The following PDE4D variants were observed in gnomAD, a reference collection of about 807,000 sequenced individuals.
The protein encoded by PDE4D is phosphodiesterase 4D, also known as 3',5'-cyclic-AMP phosphodiesterase 4D.
In PDE4D, 24 loss-of-function variants were observed where a neutral mutation model predicts 87.4. The ratio of observed to expected loss-of-function variants is 0.27; its 90% CI spans 0.20 to 0.39. The LOEUF (loss-of-function observed/expected upper bound fraction) is 0.39, where lower values mean the gene tolerates loss of function less well. Ranked by LOEUF, PDE4D falls within the 10% of genes least tolerant of loss-of-function variation. The pLI, the probability that PDE4D is intolerant of heterozygous loss-of-function variation, is 1.00. For missense variants in PDE4D, 714 were observed against 1,041.0 expected (o/e 0.69, Z 4.32); for synonymous variants, 384 against 383.2 (o/e 1.00, Z -0.02).
At chr5:60,408,572 T>G (rs1005308258) in intron 1 of PDE4D, among the ~76,000 whole-genome samples, 1 of 152,188 alleles carries the variant, frequency 6.6e-6, no homozygotes, top group Non-Finnish European at 1.5e-5. Context: ...AGTTTAATCA[T>G]ATGCAAATGG....
intron 1 of PDE4D, among the ~76,000 whole-genome samples, chr5:59,770,321 C>T (rs1763311757): frequency 6.6e-6 from 1 of 152,050 alleles, no homozygotes; most frequent in Non-Finnish European, 1.5e-5. Flanking sequence ...AATGCTTGCC[C>T]TCAAGGAGCT....
intron 1 of PDE4D, among the ~76,000 whole-genome samples, chr5:60,337,045 T>C (rs1291490273): frequency 6.6e-6 from 1 of 151,562 alleles, no homozygotes; most frequent in Admixed American, 6.6e-5. Context: ...ATAGGCTGGA[T>C]GTGGTGGCTT....
chr5:60,332,455 T>C (rs2149872808), intron 1 of PDE4D, among the ~76,000 whole-genome samples: 1 of 152,312 alleles, frequency 6.6e-6, no homozygotes, highest in South Asian at 2.1e-4. Context: ...TTTTCTGTTT[T>C]TCACATTAAT....
intron 1 of PDE4D, among the ~76,000 whole-genome samples, chr5:59,892,213 C>A (rs1751056573): frequency 6.6e-6 from 1 of 152,160 alleles, no homozygotes; most frequent in Non-Finnish European, 1.5e-5. Context: ...GGAGCTGACT[C>A]CTCAGAATGG....
At chr5:60,041,444 C>T (rs2152868158) in intron 2 of PDE4D, among the ~76,000 whole-genome samples, 1 of 152,272 alleles carries the variant, frequency 6.6e-6, no homozygotes, top group East Asian at 1.9e-4. Context: ...GTGTTTGAAA[C>T]TTGTAATATG....
At chr5:60,007,033 G>T (rs143071062) in intron 2 of PDE4D, among the ~76,000 whole-genome samples, 205 of 151,830 alleles carry the variant, frequency 1.4e-3, no homozygotes, top group African/African-American at 4.7e-3. Context: ...TCATCTTTCT[G>T]GATTTTGAAA....
intron 1 of PDE4D, among the ~76,000 whole-genome samples, chr5:60,447,886 G>T (rs904756083): frequency 6.6e-6 from 1 of 152,104 alleles, no homozygotes; most frequent in African/African-American, 2.4e-5. Flanking sequence ...TAGCCTCAGA[G>T]AGTATCTATC....
At chr5:60,427,669 T>C (rs1743838755) in intron 1 of PDE4D, among the ~76,000 whole-genome samples, 1 of 152,230 alleles carries the variant, frequency 6.6e-6, no homozygotes, top group Non-Finnish European at 1.5e-5. Flanking sequence ...TAGTATGTTT[T>C]CTTTCTTAGA....
At chr5:59,494,127 GGA>G (rs1343391597) in intron 1 of PDE4D, among the ~76,000 whole-genome samples, 1 of 152,132 alleles carries the variant, frequency 6.6e-6, no homozygotes, top group African/African-American at 2.4e-5. Flanking sequence ...TGCAACTCAG[GGA>G]GACAGAATGT....
At chr5:60,041,695 A>C (rs1387365019) in intron 2 of PDE4D, among the ~76,000 whole-genome samples, 1 of 152,300 alleles carries the variant, frequency 6.6e-6, no homozygotes, top group East Asian at 1.9e-4. Context: ...GGGAAGTTCA[A>C]GGGGTTGGGG....
intron 1 of PDE4D, among the ~76,000 whole-genome samples, chr5:59,604,193 T>G (rs961465268): frequency 6.7e-6 from 1 of 149,498 alleles, no homozygotes; most frequent in South Asian, 2.1e-4. Flanking sequence ...GAGTCTCTTA[T>G]TACCACTTTA....
chr5:59,318,271 A>C (rs963262058), intron 1 of PDE4D, among the ~76,000 whole-genome samples: 3 of 152,192 alleles, frequency 2.0e-5, no homozygotes, highest in African/African-American at 7.2e-5. Context: ...TACCAGAGGA[A>C]GTTTTAGACT....
chr5:60,038,886 G>C (rs1220334557), intron 2 of PDE4D, among the ~76,000 whole-genome samples: 3 of 151,474 alleles, frequency 2.0e-5, no homozygotes, highest in Non-Finnish European at 4.4e-5. Flanking sequence ...ACCACAATGA[G>C]ATACCATCTC....
At chr5:59,365,695 G>A (rs1782930246) in intron 1 of PDE4D, among the ~76,000 whole-genome samples, 1 of 152,076 alleles carries the variant, frequency 6.6e-6, no homozygotes, top group Non-Finnish European at 1.5e-5. Context: ...CTAAATAAGG[G>A]CTCCGTGGCT....
At chr5:59,843,058 A>C (rs1335320812) in intron 1 of PDE4D, among the ~76,000 whole-genome samples, 1 of 151,956 alleles carries the variant, frequency 6.6e-6, no homozygotes, top group Admixed American at 6.6e-5. Flanking sequence ...TAATTGTATA[A>C]AAAATATAAA....
intron 2 of PDE4D, among the ~76,000 whole-genome samples, chr5:60,093,341 T>A (rs1221751447): frequency 6.6e-6 from 1 of 152,186 alleles, no homozygotes; most frequent in African/African-American, 2.4e-5. Context: ...CTTCTTTTTA[T>A]ATTCAGGAGG....
intron 1 of PDE4D, among the ~76,000 whole-genome samples, chr5:59,306,526 G>A (rs1771407999): frequency 6.6e-6 from 1 of 151,930 alleles, no homozygotes; most frequent in African/African-American, 2.4e-5. Flanking sequence ...CTTTAAAGAG[G>A]TTCTGTGCAA....
intron 5 of PDE4D, among the ~76,000 whole-genome samples, chr5:59,056,515 G>A (rs1349842290): frequency 6.6e-6 from 1 of 152,064 alleles, no homozygotes; most frequent in East Asian, 1.9e-4. Flanking sequence ...CATGTGCTAT[G>A]GTGGTTTACT....
intron 1 of PDE4D, among the ~76,000 whole-genome samples, chr5:60,284,951 A>G (rs546437572): frequency 1.3e-5 from 2 of 152,206 alleles, no homozygotes; most frequent in Admixed American, 6.5e-5. Context: ...GATTTCTACA[A>G]TGTCTTACAT....
Sources: allele counts gnomAD v4.1 joint callset (sites outside exome capture counted in the v4.1 genomes callset), GRCh38; gene constraint gnomAD v4.1.1; transcripts MANE v1.5; gene names NCBI Gene and HGNC (gene_info 2026-07-23, HGNC 2026-07-21).